Variants in CHLSN observed in about 807,000 individuals in gnomAD.
The protein encoded by CHLSN is cholesin, also known as protein cholesin.
chr7:1,104,377 T>C, the CHLSN span, among the ~76,000 whole-genome samples: 5 of 152,126 alleles, frequency 3.3e-5, no homozygotes, highest in African/African-American at 4.8e-5. Flanking sequence ...GTGACTGCAC[T>C]CCAGCCTGGG....
chr7:982,151 G>A, the CHLSN span, among the ~76,000 whole-genome samples: 541 of 152,324 alleles, frequency 3.6e-3, 4 homozygotes, highest in African/African-American at 0.012. Flanking sequence ...CTCCCTCCCC[G>A]CCGCAGCCGC....
the CHLSN span, among the ~76,000 whole-genome samples, chr7:1,102,981 G>C: frequency 3.3e-5 from 5 of 152,212 alleles, no homozygotes; most frequent in Non-Finnish European, 7.3e-5. Flanking sequence ...CGGGAAGAGA[G>C]AGACACTCTG....
At chr7:1,124,592 T>C in the CHLSN span, among the ~76,000 whole-genome samples, 6 of 135,176 alleles carry the variant, frequency 4.4e-5, no homozygotes, top group South Asian at 2.5e-4. Context: ...AGGGATAGCA[T>C]TGGGAGATAT....
chr7:984,705 CGGGCTGGTGCTGAGAAG>C, the CHLSN span: 2 of 1,339,016 alleles, frequency 1.5e-6, no homozygotes, highest in Non-Finnish European at 2.0e-6. Context: ...GCTGGGCCTC[CGGGCTGGTGCTGAGAAG>C]GGCCAGGTGT....
At chr7:1,133,647 G>A in the CHLSN span, among the ~76,000 whole-genome samples, 1 of 151,360 alleles carries the variant, frequency 6.6e-6, no homozygotes, top group African/African-American at 2.4e-5. Flanking sequence ...CCAACTACTC[G>A]GGAGGCTGAG....
the CHLSN span, among the ~76,000 whole-genome samples, chr7:1,057,049 C>T: frequency 2.7e-5 from 4 of 150,928 alleles, no homozygotes; most frequent in Admixed American, 6.6e-5. Flanking sequence ...CCTGAGCTGC[C>T]GGGAGGGAGG....
chr7:1,101,806 G>T, the CHLSN span, among the ~76,000 whole-genome samples: 2 of 152,252 alleles, frequency 1.3e-5, no homozygotes, highest in Non-Finnish European at 2.9e-5. Flanking sequence ...AGCTGCCCCA[G>T]GCAATCACAA....
the CHLSN span, among the ~76,000 whole-genome samples, chr7:1,097,317 T>A: frequency 1.3e-5 from 2 of 152,048 alleles, no homozygotes; most frequent in African/African-American, 4.8e-5. This position sits in a 1 kb window ranked among gnomAD's most constrained non-coding sequence, Gnocchi z 4.3. Flanking sequence ...GTGATTCTGG[T>A]TGAGACAAGA....
the CHLSN span, among the ~76,000 whole-genome samples, chr7:1,121,954 C>T: frequency 2.6e-5 from 4 of 152,326 alleles, no homozygotes; most frequent in African/African-American, 4.8e-5. Flanking sequence ...CACAGGGCAG[C>T]GTGCTGCACA....
the CHLSN span, among the ~76,000 whole-genome samples, chr7:1,071,775 G>A: frequency 7.9e-5 from 12 of 152,350 alleles, no homozygotes; most frequent in African/African-American, 2.6e-4. Flanking sequence ...CATGGGACAA[G>A]GTGGAATGGC....
the CHLSN span, chr7:1,009,931 G>T: frequency 6.6e-7 from 1 of 1,523,200 alleles, no homozygotes. Flanking sequence ...ACAGAACCGC[G>T]TGGGGCAGGG....
the CHLSN span, among the ~76,000 whole-genome samples, chr7:1,042,031 C>A: frequency 6.6e-6 from 1 of 152,122 alleles, no homozygotes; most frequent in South Asian, 2.1e-4. Context: ...CGGCAGTGCG[C>A]GGGGCTGCAG....
At chr7:1,125,235 A>G in the CHLSN span, among the ~76,000 whole-genome samples, 9 of 152,352 alleles carry the variant, frequency 5.9e-5, no homozygotes, top group African/African-American at 2.2e-4. Flanking sequence ...TGGGTAGCCC[A>G]GGGACCCCTC....
chr7:1,021,395 G>A, the CHLSN span: 2 of 985,480 alleles, frequency 2.0e-6, no homozygotes, highest in East Asian at 1.1e-4. Context: ...TTCAGTGACT[G>A]AACCAGAGTC....
At chr7:1,002,382 GGGAGTCCTGTGGGTGA>G in the CHLSN span, among the ~76,000 whole-genome samples, 1 of 114,772 alleles carries the variant, frequency 8.7e-6, no homozygotes, top group Non-Finnish European at 1.8e-5. Context: ...CCTGTGGGTG[GGGAGTCCTGTGGGTGA>G]GTGGAGTCCT....
the CHLSN span, among the ~76,000 whole-genome samples, chr7:1,127,103 T>A: frequency 6.6e-6 from 1 of 152,298 alleles, no homozygotes; most frequent in East Asian, 1.9e-4. Context: ...TGTCCTACAA[T>A]CGCTTCTGGA....
At chr7:1,116,835 C>T in the CHLSN span, among the ~76,000 whole-genome samples, 17 of 55,724 alleles carry the variant, frequency 3.1e-4, no homozygotes, top group South Asian at 1.5e-3. Context: ...ATCACCGACG[C>T]CCACGCAGGA....
chr7:1,092,142 G>C, the CHLSN span: 3 of 1,613,670 alleles, frequency 1.9e-6, no homozygotes, highest in Non-Finnish European at 2.5e-6. Flanking sequence ...TCTTCCTGCA[G>C]GTCAACATGT....
At chr7:1,036,631 C>T in the CHLSN span, among the ~76,000 whole-genome samples, 1 of 152,080 alleles carries the variant, frequency 6.6e-6, no homozygotes, top group Admixed American at 6.5e-5. Context: ...CCATCATCTG[C>T]TCAATTTTGC....
Sources: gnomAD v4.1 joint callset for allele counts (sites outside exome capture counted in the v4.1 genomes callset) on GRCh38, gnomAD v4.1.1 for gene constraint, Gnocchi (gnomAD v3.1) non-coding constraint, MANE v1.5 for transcripts, NCBI Gene and HGNC (gene_info 2026-07-23, HGNC 2026-07-21) for gene names.